Variants in SLC25A21 observed in about 807,000 individuals in gnomAD.
The protein encoded by SLC25A21 is mitochondrial 2-oxodicarboxylate carrier.
SLC25A21 carries 47 observed loss-of-function variants against 43.8 expected under a neutral mutation model. The observed-to-expected ratio is 1.07, with a 90% CI of 0.85 to 1.37. The LOEUF (loss-of-function observed/expected upper bound fraction) is 1.37. SLC25A21 is among the 40% of genes most tolerant of loss of function. The probability of loss-of-function intolerance (pLI) is 0.00; values close to 1 mark genes in which losing one functional copy is unlikely to be tolerated. For missense variants in SLC25A21, 352 were observed against 350.2 expected (o/e 1.00, Z -0.04); for synonymous variants, 131 against 121.3 (o/e 1.08, Z -0.52).
intron 1 of SLC25A21, among the ~76,000 whole-genome samples, chr14:37,034,254 A>T (rs1961280100): frequency 6.6e-6 from 1 of 152,108 alleles, no homozygotes; most frequent in South Asian, 2.1e-4. Context: ...CTGACGTTCA[A>T]GTGATCCACC....
At chr14:37,141,372 C>T (rs1355273342) in intron 1 of SLC25A21, among the ~76,000 whole-genome samples, 1 of 152,074 alleles carries the variant, frequency 6.6e-6, no homozygotes, top group Non-Finnish European at 1.5e-5. Flanking sequence ...TTCCTCAACA[C>T]ATAAAACACA....
At chr14:36,912,914 AT>A (rs1891731823) in intron 1 of SLC25A21, among the ~76,000 whole-genome samples, 1 of 152,152 alleles carries the variant, frequency 6.6e-6, no homozygotes, top group African/African-American at 2.4e-5. Flanking sequence ...AGAATAAGAA[AT>A]ATTTTATCTA....
At chr14:36,853,916 A>C (rs1889820939) in intron 2 of SLC25A21, among the ~76,000 whole-genome samples, 1 of 152,182 alleles carries the variant, frequency 6.6e-6, no homozygotes, top group African/African-American at 2.4e-5. Flanking sequence ...CTTCTATATA[A>C]AAGTAGGTAG....
chr14:37,026,341 G>A (rs1439285566), intron 1 of SLC25A21, among the ~76,000 whole-genome samples: 8 of 152,010 alleles, frequency 5.3e-5, no homozygotes, highest in Non-Finnish European at 1.0e-4. Flanking sequence ...TCCAATAAAC[G>A]TATTTATGGA....
chr14:36,806,228 A>C (rs1051871959), intron 3 of SLC25A21, among the ~76,000 whole-genome samples: 1 of 151,846 alleles, frequency 6.6e-6, no homozygotes, highest in Non-Finnish European at 1.5e-5. Context: ...TTTTACTTTT[A>C]TTTTATTTTA....
At chr14:36,809,448 G>C (rs1286614452) in intron 3 of SLC25A21, among the ~76,000 whole-genome samples, 2 of 152,100 alleles carry the variant, frequency 1.3e-5, no homozygotes, top group African/African-American at 4.8e-5. Context: ...CTGTAAAGCT[G>C]TGTTGAAAAG....
At chr14:37,076,438 CT>C (rs1266985299) in intron 1 of SLC25A21, among the ~76,000 whole-genome samples, 20 of 151,864 alleles carry the variant, frequency 1.3e-4, no homozygotes, top group African/African-American at 4.3e-4. Context: ...TCCCAAAGTG[CT>C]GGTGTTTATA....
chr14:37,066,608 A>T (rs1279406335), intron 1 of SLC25A21, among the ~76,000 whole-genome samples: 1 of 152,178 alleles, frequency 6.6e-6, no homozygotes, highest in Non-Finnish European at 1.5e-5. Flanking sequence ...ACACTGCAGT[A>T]CTCAGGGGTT....
At chr14:37,164,908 T>C (rs1031241605) in intron 1 of SLC25A21, among the ~76,000 whole-genome samples, 5 of 152,222 alleles carry the variant, frequency 3.3e-5, no homozygotes, top group Non-Finnish European at 7.3e-5. Flanking sequence ...TTTGACTCTT[T>C]GAAGGTGATT....
intron 1 of SLC25A21, among the ~76,000 whole-genome samples, chr14:36,910,768 C>T (rs375650091): frequency 2.0e-5 from 3 of 152,158 alleles, no homozygotes; most frequent in Non-Finnish European, 4.4e-5. Context: ...GAATTACAGT[C>T]ATTTCATCAC....
At chr14:36,874,614 G>A (rs1413937724) in intron 2 of SLC25A21, among the ~76,000 whole-genome samples, 5 of 152,122 alleles carry the variant, frequency 3.3e-5, no homozygotes, top group Admixed American at 3.3e-4. Context: ...GATCTGTTAG[G>A]CAATGCCAAA....
At chr14:37,101,318 CA>C (rs1296319798) in intron 1 of SLC25A21, among the ~76,000 whole-genome samples, 1 of 152,106 alleles carries the variant, frequency 6.6e-6, no homozygotes, top group East Asian at 1.9e-4. Flanking sequence ...CGTGAGCACA[CA>C]GAAGTTTTAT....
intron 1 of SLC25A21, among the ~76,000 whole-genome samples, chr14:37,034,024 C>CT (rs35599784): frequency 0.25 from 36,372 of 147,874 alleles, 4,708 homozygotes; most frequent in Non-Finnish European, 0.3. Context: ...CACAATTTTG[C>CT]TTTTTTTTTT....
Position 36,727,162 on chromosome 14 carries a change from G to T in SLC25A21, c.331-1485C>A, listed in dbSNP as rs187485451. On this transcript the variant is annotated intron_variant, in intron 5 of 9. Transcript: ENST00000331299. ...CTAAGAGAAGCCCTGGAGAGGCATC[G>T]GTCAGGAGAAGGGGCAACTTTTCAT... 2.2e-3 allele frequency among the ~76,000 whole-genome samples: 334 copies of T among 152,278 alleles called. 1 individual carries two copies. Among genetic ancestry groups the T allele is most frequent in the African/African-American group, 7.7e-3 (322 of 41,556 alleles).
At chr14:37,075,792 C>T (rs1335394034) in intron 1 of SLC25A21, among the ~76,000 whole-genome samples, 2 of 152,184 alleles carry the variant, frequency 1.3e-5, no homozygotes, top group Non-Finnish European at 2.9e-5. Context: ...AATGTAATAA[C>T]AGACAGATGA....
chr14:36,953,631 T>C (rs1959249623), intron 1 of SLC25A21, among the ~76,000 whole-genome samples: 1 of 152,224 alleles, frequency 6.6e-6, no homozygotes, highest in African/African-American at 2.4e-5. Context: ...TGTTCCTTAC[T>C]GGCAGAAACT....
chr14:36,776,230 C>CTTTTT (rs1328087696), intron 3 of SLC25A21, among the ~76,000 whole-genome samples: 7,911 of 68,250 alleles, frequency 0.12, 1,317 homozygotes, highest in East Asian at 0.25. Flanking sequence ...CTTTTTCTTT[C>CTTTTT]TTTCTTTCTT....
rs1887346536 is a variant in SLC25A21, at chr14:36,788,896, G to T, written c.203+25022C>A. Reference sequence around the variant, plus strand: ...AAAGATCAGTTTTCCAACTGTCAGGGTTTATGGCTTACGAGACTTGTCAAA... The same window carrying T: ...AAAGATCAGTTTTCCAACTGTCAGGTTTTATGGCTTACGAGACTTGTCAAA... On this transcript the variant is annotated intron_variant, in intron 3 of 9. Coordinates refer to ENST00000331299, the MANE Select transcript of SLC25A21 (RefSeq NM_030631.4). The T allele has an allele frequency of 2.6e-5, 4 of 151,980 alleles. No homozygotes were observed. The South Asian group carries it at 8.3e-4, about 32-fold the overall frequency. The allele number at this position is 151,980 out of a possible 1,614,324, so 9.4% of individuals were successfully genotyped here. A position where few individuals can be genotyped will look rare whatever the true frequency, so the allele number is the denominator to read the frequency against.
intron 7 of SLC25A21, among the ~76,000 whole-genome samples, chr14:36,698,883 TTTG>T (rs1883155944): frequency 6.6e-6 from 1 of 152,294 alleles, no homozygotes; most frequent in African/African-American, 2.4e-5. Flanking sequence ...CTCAGAGAAG[TTTG>T]TTATTACTGA....
Sources: allele counts gnomAD v4.1 joint callset (sites outside exome capture counted in the v4.1 genomes callset), GRCh38; gene constraint gnomAD v4.1.1; transcripts MANE v1.5; gene names NCBI Gene and HGNC (gene_info 2026-07-23, HGNC 2026-07-21).